GRIA1: variants seen among roughly 807,000 people sequenced by gnomAD.
The protein encoded by GRIA1 is glutamate receptor 1.
GRIA1 carries 31 observed loss-of-function variants against 99.2 expected under a neutral mutation model. The observed-to-expected ratio is 0.31, with a 90% confidence interval of 0.23 to 0.42. The LOEUF is 0.42. Among genes scored for constraint, GRIA1 ranks in the 10% least tolerant of loss-of-function variants. The pLI is 1.00. For synonymous variants in GRIA1, 438 were observed against 432.4 expected, an observed-to-expected ratio of 1.01 and a Z score of -0.16; for missense variants, 782 against 1,157.5, an observed-to-expected ratio of 0.68 and a Z score of 4.71.
At chr5:153,597,394 TCA>T (rs1764523703) in intron 2 of GRIA1, among the ~76,000 whole-genome samples, 1 of 152,132 alleles carries the variant, frequency 6.6e-6, no homozygotes, top group Non-Finnish European at 1.5e-5. Context: ...AATTAGGGGA[TCA>T]CCAAATCTTT....
chr5:153,652,639 T>C (rs1754658900), intron 4 of GRIA1, among the ~76,000 whole-genome samples: 1 of 152,198 alleles, frequency 6.6e-6, no homozygotes, highest in African/African-American at 2.4e-5. Flanking sequence ...AAGTGACCCG[T>C]TTGTATGGGT....
chr5:153,740,079 A>G (rs554080225), intron 11 of GRIA1, among the ~76,000 whole-genome samples: 12 of 152,388 alleles, frequency 7.9e-5, no homozygotes, highest in African/African-American at 2.6e-4. Context: ...AGTTTTGGGA[A>G]CACATGGGTG....
At chr5:153,496,693 G>A (rs931448036) in intron 2 of GRIA1, among the ~76,000 whole-genome samples, 1 of 152,090 alleles carries the variant, frequency 6.6e-6, no homozygotes, top group South Asian at 2.1e-4. Flanking sequence ...AATTTTAATT[G>A]AGTAAAAAAT....
intron 15 of GRIA1, among the ~76,000 whole-genome samples, chr5:153,802,705 G>T (rs2149673262): frequency 6.6e-6 from 1 of 152,204 alleles, no homozygotes; most frequent in Non-Finnish European, 1.5e-5. Flanking sequence ...CAAGGCCCAA[G>T]AAAAAAATTG....
chr5:153,727,712 C>T (rs150652235), intron 11 of GRIA1, among the ~76,000 whole-genome samples: 2,243 of 152,186 alleles, frequency 0.015, 56 homozygotes, highest in African/African-American at 0.051. Flanking sequence ...AACTACAAAC[C>T]ACTACTCAAG....
chr5:153,500,564 C>T (rs1754899342), intron 2 of GRIA1, among the ~76,000 whole-genome samples: 1 of 92,940 alleles, frequency 1.1e-5, no homozygotes, highest in African/African-American at 3.6e-5. Context: ...CCAAATCTGC[C>T]TCTCTTTCTC....
chr5:153,533,503 T>G (rs1284480703), intron 2 of GRIA1, among the ~76,000 whole-genome samples: 2 of 152,132 alleles, frequency 1.3e-5, no homozygotes, highest in African/African-American at 4.8e-5. Context: ...ACATTCATTT[T>G]TATGCCAAAA....
At chr5:153,545,025 C>T (rs565374430) in intron 2 of GRIA1, among the ~76,000 whole-genome samples, 9 of 152,210 alleles carry the variant, frequency 5.9e-5, no homozygotes, top group South Asian at 2.1e-4. Flanking sequence ...ACATACAATA[C>T]GGTTCTAAGT....
At chr5:153,525,504 T>TA (rs1224164639) in intron 2 of GRIA1, 1 of 151,412 alleles carries the variant, frequency 6.6e-6, no homozygotes, top group African/African-American at 2.4e-5. Context: ...AAATTAAAAA[T>TA]AAAAAAGAGT....
chr5:153,587,825 T>G (rs1763625883), intron 2 of GRIA1, among the ~76,000 whole-genome samples: 1 of 152,106 alleles, frequency 6.6e-6, no homozygotes, highest in African/African-American at 2.4e-5. Context: ...GGGGGGCATA[T>G]TCTAGTGGGG....
intron 10 of GRIA1, among the ~76,000 whole-genome samples, chr5:153,704,392 G>A (rs752335344): frequency 5.9e-5 from 9 of 152,218 alleles, no homozygotes; most frequent in Non-Finnish European, 1.3e-4. Flanking sequence ...CTTGATCTCA[G>A]GCCAACAGGA....
intron 2 of GRIA1, among the ~76,000 whole-genome samples, chr5:153,641,448 G>C (rs1448656870): frequency 6.6e-6 from 1 of 152,134 alleles, no homozygotes; most frequent in Non-Finnish European, 1.5e-5. Flanking sequence ...GAATTGGACA[G>C]CCCACGCCAT....
At chr5:153,749,787 A>G (rs545045183) in intron 11 of GRIA1, among the ~76,000 whole-genome samples, 1 of 152,266 alleles carries the variant, frequency 6.6e-6, no homozygotes, top group African/African-American at 2.4e-5. Context: ...GAATGAATCT[A>G]CACCCATTTT....
intron 2 of GRIA1, among the ~76,000 whole-genome samples, chr5:153,534,850 A>G (rs190061360): frequency 6.6e-6 from 1 of 152,232 alleles, no homozygotes; most frequent in Non-Finnish European, 1.5e-5. Context: ...AGAAAAGGGC[A>G]TATTTGAAAA....
intron 11 of GRIA1, among the ~76,000 whole-genome samples, chr5:153,757,927 T>A (rs1481523664): frequency 2.6e-5 from 4 of 152,158 alleles, no homozygotes; most frequent in Non-Finnish European, 5.9e-5. Context: ...AATCATGGTG[T>A]GTAAATCACT....
At chr5:153,615,216 C>T (rs1766376809) in intron 2 of GRIA1, among the ~76,000 whole-genome samples, 2 of 152,136 alleles carry the variant, frequency 1.3e-5, no homozygotes, top group Admixed American at 1.3e-4. Context: ...AATCCATCAG[C>T]AAATACTTAC....
intron 11 of GRIA1, among the ~76,000 whole-genome samples, chr5:153,739,623 T>A (rs558462928): frequency 3.3e-5 from 5 of 152,204 alleles, no homozygotes; most frequent in Non-Finnish European, 7.3e-5. Flanking sequence ...GTCAAGAGCA[T>A]ACTCACAGTA....
chr5:153,544,843 T>C (rs1759462259), intron 2 of GRIA1, among the ~76,000 whole-genome samples: 1 of 152,094 alleles, frequency 6.6e-6, no homozygotes, highest in African/African-American at 2.4e-5. Context: ...GGGAAAGATA[T>C]TACTGAAAAA....
chr5:153,803,805 T>C (rs1766217051), intron 15 of GRIA1, among the ~76,000 whole-genome samples: 2 of 152,196 alleles, frequency 1.3e-5, no homozygotes, highest in Non-Finnish European at 2.9e-5. Context: ...CTTGGATCCA[T>C]ACATAGCCTC....
Sources: gnomAD v4.1 joint callset for allele counts (sites outside exome capture counted in the v4.1 genomes callset) on GRCh38, gnomAD v4.1.1 for gene constraint, MANE v1.5 for transcripts, NCBI Gene and HGNC (gene_info 2026-07-23, HGNC 2026-07-21) for gene names.